UTP20: variants seen among roughly 807,000 people sequenced by gnomAD.
UTP20 encodes the protein UTP20 small subunit processome component, also known as small subunit processome component 20 homolog.
Under a neutral mutation model 329.5 loss-of-function variants are expected in UTP20, and 164 were observed. That is an observed-to-expected ratio of 0.50 (90% CI 0.44 to 0.57). The LOEUF is 0.57. Among genes scored for constraint, UTP20 ranks in the 20% least tolerant of loss-of-function variants. The pLI, the probability that UTP20 is intolerant of heterozygous loss-of-function variation, is 0.00. For missense variants in UTP20, 3,055 were observed against 3,284.2 expected (o/e 0.93, Z 1.71); for synonymous variants, 1,151 against 1,159.3 (o/e 0.99, Z 0.14).
chr12:101,346,428 T>C, intron 37 of UTP20, 23 bp from the exon 38 acceptor site: 1 of 1,564,710 alleles, frequency 6.4e-7, no homozygotes, highest in Non-Finnish European at 8.6e-7. Context: ...CGGTAACTAA[T>C]TCATATTTTA....
At chr12:101,295,396 T>G in intron 11 of UTP20, 84 bp from the exon 12 acceptor site, 1 of 1,263,692 alleles carries the variant, frequency 7.9e-7, no homozygotes, top group Non-Finnish European at 1.1e-6. Context: ...TGATCCTTTG[T>G]TTTTGGTCTA....
chr12:101,308,587 C>T (rs889280090), intron 18 of UTP20, among the ~76,000 whole-genome samples: 2 of 151,890 alleles, frequency 1.3e-5, no homozygotes, highest in African/African-American at 4.8e-5. Flanking sequence ...CATGTTAGTA[C>T]CTTTTTAGAA....
intron 22 of UTP20, among the ~76,000 whole-genome samples, chr12:101,318,399 A>G (rs776159147): frequency 3.3e-5 from 5 of 152,182 alleles, no homozygotes; most frequent in Non-Finnish European, 5.9e-5. Context: ...CCATTCAACA[A>G]CTGTATTGAG....
chr12:101,294,487 T>C (rs1382878324), intron 11 of UTP20, among the ~76,000 whole-genome samples: 2 of 151,876 alleles, frequency 1.3e-5, no homozygotes, highest in East Asian at 3.9e-4. Context: ...CATACTTATA[T>C]AAACAAGGAG....
Position 101,309,625 on chromosome 12 carries a change from T to C in UTP20, c.2155-138T>C, listed in dbSNP as rs1872726908. On this transcript the variant is annotated intron_variant, in intron 18 of 61. Coordinates refer to ENST00000261637, the MANE Select transcript of UTP20 (RefSeq NM_014503.3). Reference sequence around the variant, plus strand: ...TAGTATACATTGAATTTTGGATTGGTGCCTGCAACTTTTTTTCTTATCGCA... The same window carrying C: ...TAGTATACATTGAATTTTGGATTGGCGCCTGCAACTTTTTTTCTTATCGCA... The C allele has an allele frequency of 1.2e-5, 8 of 663,554 alleles. No individual in the cohort carries two copies. The South Asian group carries it at 1.9e-4, about 16-fold the overall frequency. The allele number at this position is 663,554 out of a possible 1,614,324, so 41.1% of individuals were successfully genotyped here. A position where few individuals can be genotyped will look rare whatever the true frequency, so the allele number is the denominator to read the frequency against.
intron 43 of UTP20, among the ~76,000 whole-genome samples, chr12:101,359,542 G>A (rs1486600813): frequency 6.6e-6 from 1 of 151,076 alleles, no homozygotes; most frequent in Admixed American, 6.6e-5. Context: ...CTCTGTTTAG[G>A]TTGGATAATT....
chr12:101,341,358 T>C (rs1869129573), intron 32 of UTP20, among the ~76,000 whole-genome samples: 1 of 152,078 alleles, frequency 6.6e-6, no homozygotes, highest in African/African-American at 2.4e-5. Context: ...CAGCTAAGTG[T>C]TCCTGATATG....
Position 101,345,690 on chromosome 12 carries a change from T to C in UTP20, c.4742T>C (p.Ile1581Thr), listed in dbSNP as rs1322998782. 1 of 1,608,416 alleles carries C rather than the reference T, an allele frequency of 6.2e-7. No homozygotes were observed. Among genetic ancestry groups the C allele is most frequent in the Non-Finnish European group, 8.5e-7 (1 of 1,178,672 alleles). Residue 1581 changes from isoleucine (I) to threonine (T), a missense_variant, in exon 37 of 62, where the codon ATT becomes ACT. By Grantham distance (89) the Ile-to-Thr change is moderately conservative. Coordinates refer to ENST00000261637, the MANE Select transcript of UTP20 (RefSeq NM_014503.3). ...GACTTCTTTGAGAACATGAAGCACA[T>C]TCAGGTAGAAGACAATTCTGCTTTT... ...EMDFFENMKH[I>T]QIHRRARALK...
At position 101,321,588 on chromosome 12, in the gene UTP20, G is replaced by A. The variant is rs752098210; in HGVS notation, c.3000G>A (p.Val1000=). 79 of 1,613,486 alleles carry A rather than the reference G, an allele frequency of 4.9e-5. No individual in the cohort carries two copies. The East Asian group carries it at 1.7e-3, about 36-fold the overall frequency. ...GCATTTCAGAAGATAATGCTGTAGTGAAAACAGCCCACCGAGCAGATCTAT... is the reference window on the plus strand; with the variant it reads ...GCATTTCAGAAGATAATGCTGTAGTAAAAACAGCCCACCGAGCAGATCTAT... ...HFSISEDNAV[V]KTAHRADLFP... is the part of the protein sequence containing the mutation. The change falls in exon 25 of 62, where the codon GTG becomes GTA. Residue 1000 remains valine (V), a synonymous_variant. Coordinates refer to ENST00000261637, the MANE Select transcript of UTP20 (RefSeq NM_014503.3).
At chr12:101,319,470 A>C (rs1873078350) in intron 22 of UTP20, 75 bp from the exon 23 acceptor site, 1 of 1,117,298 alleles carries the variant, frequency 9.0e-7, no homozygotes, top group Non-Finnish European at 1.3e-6. Context: ...GTCAGAATAA[A>C]ATTGTAGATG....
At chr12:101,343,518 T>A (rs1384204767) in intron 35 of UTP20, among the ~76,000 whole-genome samples, 1 of 150,242 alleles carries the variant, frequency 6.7e-6, no homozygotes, top group Non-Finnish European at 1.5e-5. Flanking sequence ...GAATTGTAAA[T>A]TTTTTTTTTG....
Position 101,381,737 on chromosome 12 carries a change from G to A in UTP20, c.7656+526G>A, listed in dbSNP as rs1028255651. 2.6e-5 allele frequency among the ~76,000 whole-genome samples: 4 copies of A among 152,046 alleles called. No homozygotes were observed. In the South Asian group the frequency reaches 8.3e-4, roughly 32 times the overall value. On this transcript the variant is annotated intron_variant, in intron 58 of 61. Coordinates refer to ENST00000261637, the MANE Select transcript of UTP20 (RefSeq NM_014503.3). Reference sequence around the variant, plus strand: ...GCTCCATTTAAAATTCCCAATAAGGGTCTGGGTGCGGTGACTCACGCCTAT... The same window carrying A: ...GCTCCATTTAAAATTCCCAATAAGGATCTGGGTGCGGTGACTCACGCCTAT...
chr12:101,286,759 C>T (rs562612627), intron 5 of UTP20, among the ~76,000 whole-genome samples: 1 of 152,148 alleles, frequency 6.6e-6, no homozygotes, highest in Admixed American at 6.5e-5. Flanking sequence ...CACAAACAGG[C>T]ACCTTTGCCA....
chr12:101,293,105 G>A (rs1872221184), intron 10 of UTP20, 63 bp from the exon 11 acceptor site: 7 of 1,521,538 alleles, frequency 4.6e-6, no homozygotes, highest in Non-Finnish European at 6.4e-6. Context: ...ATAGCTGCTT[G>A]CTGGGGGGAT....
chr12:101,280,623 C>G lies in UTP20; in HGVS notation c.45+296C>G, dbSNP rs556549070. Among the ~76,000 whole-genome samples the G allele has an allele frequency of 5.3e-5, 8 of 152,340 alleles. No homozygotes were observed. In the East Asian group the frequency reaches 1.4e-3, roughly 26 times the overall value. On this transcript the variant is annotated intron_variant, in intron 1 of 61. Coordinates refer to ENST00000261637, the MANE Select transcript of UTP20 (RefSeq NM_014503.3). ...TGCTTAGGACCAATTCTCCCCTGCT[C>G]TTTTATCTTTAAAGACCGAATTGGG... is the stretch of plus-strand genomic sequence containing the variant.
rs772232264 is a variant in UTP20, at chr12:101,371,154, G to T, written c.6784G>T (p.Val2262Phe). 1.9e-6 allele frequency: 3 copies of T among 1,613,618 alleles called. No individual in the cohort carries two copies. In the Admixed American group the frequency reaches 5.0e-5, roughly 27 times the overall value. Reference protein sequence around the residue: ...AVSAQSEPARVQCRQVFLKYI... With the variant: ...AVSAQSEPARFQCRQVFLKYI... Reference sequence around the variant, plus strand: ...CTCTGCACAAAGCGAACCTGCCAGGGTCCAGTGTAGACAGGTTTGTAGAGA... The same window carrying T: ...CTCTGCACAAAGCGAACCTGCCAGGTTCCAGTGTAGACAGGTTTGTAGAGA... Residue 2262 changes from valine (V) to phenylalanine (F), a missense_variant, in exon 51 of 62, where the codon GTC (valine) becomes TTC (phenylalanine). By Grantham distance (50) the Val-to-Phe change is conservative. Around this residue, in one of 3 missense-constraint regions of UTP20, gnomAD observed 273 missense variants for 363.1 expected, o/e 0.75. Coordinates refer to ENST00000261637, the MANE Select transcript of UTP20 (RefSeq NM_014503.3).
chr12:101,314,282 G>A (rs547906507), intron 21 of UTP20, among the ~76,000 whole-genome samples: 18 of 152,318 alleles, frequency 1.2e-4, no homozygotes, highest in African/African-American at 3.8e-4. Context: ...CGTTGGCTTT[G>A]GAGTGACCTT....
rs909445090 is a variant in UTP20, at chr12:101,338,332, C to T, written c.3868+55C>T. On this transcript the variant is annotated intron_variant, in intron 30 of 61. Coordinates refer to ENST00000261637, the MANE Select transcript of UTP20 (RefSeq NM_014503.3). ...TAGACTTCTGCTGTAGCAATTGTTT[C>T]CTTAGAAGAGAAAAAAAATCAGTAT... 4 of 1,566,618 alleles carry T rather than the reference C, an allele frequency of 2.6e-6. No individual in the cohort carries two copies. In the African/African-American group the frequency reaches 5.4e-5, roughly 21 times the overall value.
chr12:101,321,725 A>G, intron 25 of UTP20, 96 bp downstream of exon 25: 2 of 1,426,706 alleles, frequency 1.4e-6, no homozygotes, highest in South Asian at 2.7e-5. Context: ...GTAATAGAAT[A>G]TTTCATTTTC....
Sources: allele counts gnomAD v4.1 joint callset (sites outside exome capture counted in the v4.1 genomes callset), GRCh38; gene constraint gnomAD v4.1.1; regional missense constraint gnomAD v4.1.1; transcripts MANE v1.5; gene names NCBI Gene and HGNC (gene_info 2026-07-23, HGNC 2026-07-21).